Variants in NEMP2 observed in about 807,000 individuals in gnomAD.
The protein encoded by NEMP2 is UPF0571 transmembrane protein.
NEMP2 carries 53 observed loss-of-function variants against 54.2 expected under a neutral mutation model. That is an observed-to-expected ratio of 0.98 (90% CI 0.78 to 1.23). NEMP2 has a LOEUF of 1.23. Among genes scored for constraint, NEMP2 ranks in the 50% most tolerant of loss-of-function variants. The pLI, the probability that NEMP2 is intolerant of heterozygous loss-of-function variation, is 0.00. For synonymous variants in NEMP2, 197 were observed against 190.3 expected, an observed-to-expected ratio of 1.04 and a Z score of -0.29; for missense variants, 455 against 511.3, an observed-to-expected ratio of 0.89 and a Z score of 1.06.
At chr2:190,636,274 T>G in the NEMP2 span, among the ~76,000 whole-genome samples, 1 of 152,316 alleles carries the variant, frequency 6.6e-6, no homozygotes, top group East Asian at 1.9e-4. Context: ...ACTTTAATTA[T>G]GAGGAAAAAA....
At chr2:190,636,661 G>C in the NEMP2 span, among the ~76,000 whole-genome samples, 1 of 152,092 alleles carries the variant, frequency 6.6e-6, no homozygotes, top group Non-Finnish European at 1.5e-5. Flanking sequence ...TCTACCCCAG[G>C]GGCTTGTTCC....
At chr2:190,616,492 T>C in the NEMP2 span, among the ~76,000 whole-genome samples, 15 of 152,236 alleles carry the variant, frequency 9.9e-5, no homozygotes, top group African/African-American at 3.6e-4. The surrounding 1 kb of genome is among the most constrained non-coding windows in gnomAD (Gnocchi z 5.1). Flanking sequence ...ACTAAATTTT[T>C]CTCAAGTTGT....
the NEMP2 span, among the ~76,000 whole-genome samples, chr2:190,434,661 T>C: frequency 1.3e-5 from 2 of 152,154 alleles, no homozygotes; most frequent in Non-Finnish European, 2.9e-5. This position sits in a 1 kb window ranked among gnomAD's most constrained non-coding sequence, Gnocchi z 4.3. Context: ...CTCAATCTCC[T>C]GAACTCATGA....
At chr2:190,534,729 G>T, upstream of NEMP2, 3 of 1,126,492 alleles carry the variant, frequency 2.7e-6, no homozygotes, top group Non-Finnish European at 3.4e-6. Context: ...AAGTGGCGCG[G>T]GGGCTCAGAG....
chr2:190,601,250 C>T, the NEMP2 span, among the ~76,000 whole-genome samples: 1 of 152,104 alleles, frequency 6.6e-6, no homozygotes, highest in African/African-American at 2.4e-5. This position sits in a 1 kb window ranked among gnomAD's most constrained non-coding sequence, Gnocchi z 5.8. Context: ...GCCAAGGAAC[C>T]ACCAGAAGCT....
chr2:190,431,834 A>C, the NEMP2 span, among the ~76,000 whole-genome samples: 6 of 152,328 alleles, frequency 3.9e-5, no homozygotes, highest in South Asian at 6.2e-4. This position sits in a 1 kb window ranked among gnomAD's most constrained non-coding sequence, Gnocchi z 4.4. Context: ...TTATGCTATA[A>C]TACTTATAAA....
the NEMP2 span, among the ~76,000 whole-genome samples, chr2:190,482,019 T>C: frequency 1.3e-5 from 2 of 151,630 alleles, no homozygotes; most frequent in Non-Finnish European, 1.5e-5. Flanking sequence ...GGTATGACCA[T>C]GTGGTTAATT....
At chr2:190,424,248 T>TC in the NEMP2 span, among the ~76,000 whole-genome samples, 1 of 147,522 alleles carries the variant, frequency 6.8e-6, no homozygotes, top group Non-Finnish European at 1.5e-5. This position sits in a 1 kb window ranked among gnomAD's most constrained non-coding sequence, Gnocchi z 5.9. Flanking sequence ...TTTTTTTTTT[T>TC]CTAAATGTTT....
chr2:190,436,468 C>T, the NEMP2 span: 3 of 1,614,162 alleles, frequency 1.9e-6, no homozygotes, highest in Non-Finnish European at 2.5e-6. The surrounding 1 kb of genome is among the most constrained non-coding windows in gnomAD (Gnocchi z 5.3). Flanking sequence ...TTTATTCAAC[C>T]TGGGCATTGG....
rs898798214 is a variant in NEMP2, at chr2:190,527,377, G to A, written c.98-1999C>T. Among the ~76,000 whole-genome samples, 6 of 152,160 alleles carry A rather than the reference G, an allele frequency of 3.9e-5. No homozygotes were observed. Among genetic ancestry groups the A allele is most frequent in the African/African-American group, 9.7e-5 (4 of 41,430 alleles). ...GGAGAAAAGTGAAGACAGACTTGGGGAAAGGATCCTGGGAATGCTCGCCAT... is the reference window on the plus strand; with the variant it reads ...GGAGAAAAGTGAAGACAGACTTGGGAAAAGGATCCTGGGAATGCTCGCCAT... On this transcript the variant is annotated intron_variant, in intron 1 of 8. Transcript: ENST00000409150. The surrounding 1 kb of genome is among the most constrained non-coding windows in gnomAD (Gnocchi z 4.0).
chr2:190,562,406 A>G, the NEMP2 span, among the ~76,000 whole-genome samples: 11 of 152,146 alleles, frequency 7.2e-5, no homozygotes, highest in African/African-American at 1.9e-4. The surrounding 1 kb of genome is among the most constrained non-coding windows in gnomAD (Gnocchi z 5.0). Context: ...TCACTTCTCC[A>G]TGGAGCATTA....
At position 190,506,725 on chromosome 2, in the gene NEMP2, C is replaced by T. The variant is rs1463243755; in HGVS notation, c.*2464G>A. On this transcript the variant is annotated 3_prime_UTR_variant, in exon 9 of 9. Transcript: ENST00000409150. The surrounding 1 kb of genome is among the most constrained non-coding windows in gnomAD (Gnocchi z 6.3). ...GATACGATTGTTTAAGCATAGCCAC[C>T]TACACTATATCTCACCCACACATCT... 6.6e-6 allele frequency: 1 copy of T among 152,198 alleles called. No homozygotes were observed. Among genetic ancestry groups the T allele is most frequent in the African/African-American group, 2.4e-5 (1 of 41,454 alleles). 9.4% of individuals were successfully genotyped at this position (152,198 alleles called of 1,614,324 possible). A position where few individuals can be genotyped will look rare whatever the true frequency, so the allele number is the denominator to read the frequency against.
chr2:190,457,236 C>T, the NEMP2 span, among the ~76,000 whole-genome samples: 10 of 152,184 alleles, frequency 6.6e-5, no homozygotes, highest in South Asian at 8.3e-4. This position sits in a 1 kb window ranked among gnomAD's most constrained non-coding sequence, Gnocchi z 5.1. Context: ...ACTGGCCAAC[C>T]GACTTTGTGG....
In NEMP2 at chr2:190,506,658, T is replaced by C. The variant is rs892055143; in HGVS notation, c.*2531A>G. 2.0e-5 allele frequency: 3 copies of C among 152,240 alleles called. No homozygotes were observed. Among genetic ancestry groups the C allele is most frequent in the East Asian group, 1.9e-4 (1 of 5,200 alleles). The allele number at this position is 152,240 out of a possible 1,614,324, so 9.4% of individuals were successfully genotyped here. The stretch of plus-strand genomic sequence containing the variant: ...AATTCACAAAGCATTTTTTGTGATA[T>C]GTAAAATGTGTTTTAAAACCTTTTA... On this transcript the variant is annotated 3_prime_UTR_variant, in exon 9 of 9. Transcript: ENST00000409150. This position sits in a 1 kb window ranked among gnomAD's most constrained non-coding sequence, Gnocchi z 6.3.
At chr2:190,477,447 A>C in the NEMP2 span, 4 of 829,392 alleles carry the variant, frequency 4.8e-6, no homozygotes, top group Non-Finnish European at 5.8e-6. Context: ...TTATCCTTTT[A>C]GTTTAAAATG....
chr2:190,566,695 G>C, the NEMP2 span, among the ~76,000 whole-genome samples: 1 of 144,368 alleles, frequency 6.9e-6, no homozygotes, highest in African/African-American at 2.5e-5. Context: ...AGGAAGGAAG[G>C]AGAGAGGAAG....
chr2:190,574,048 C>T, the NEMP2 span, among the ~76,000 whole-genome samples: 3 of 152,156 alleles, frequency 2.0e-5, no homozygotes, highest in East Asian at 1.9e-4. Context: ...AAACCTCATG[C>T]GTTTCTCCCC....
chr2:190,489,839 T>G, the NEMP2 span: 1 of 1,614,140 alleles, frequency 6.2e-7, no homozygotes, highest in East Asian at 2.2e-5. The surrounding 1 kb of genome is among the most constrained non-coding windows in gnomAD (Gnocchi z 6.6). Context: ...CCTGATCCAG[T>G]GGCTGGCAGT....
chr2:190,447,459 T>G, the NEMP2 span, among the ~76,000 whole-genome samples: 1 of 152,194 alleles, frequency 6.6e-6, no homozygotes, highest in African/African-American at 2.4e-5. This position sits in a 1 kb window ranked among gnomAD's most constrained non-coding sequence, Gnocchi z 4.5. Flanking sequence ...TGCTAATATA[T>G]GGAGGACACA....
Sources: allele counts gnomAD v4.1 joint callset (sites outside exome capture counted in the v4.1 genomes callset), GRCh38; gene constraint gnomAD v4.1.1; non-coding constraint Gnocchi (gnomAD v3.1); transcripts MANE v1.5; gene names NCBI Gene and HGNC (gene_info 2026-07-23, HGNC 2026-07-21).